Variants in TAFA2 observed in about 807,000 individuals in gnomAD.
The protein encoded by TAFA2 is chemokine-like protein TAFA-2.
TAFA2 carries 7 observed loss-of-function variants against 18.8 expected under a neutral mutation model. The ratio of observed to expected loss-of-function variants is 0.37; its 90% CI spans 0.21 to 0.70. TAFA2 has a LOEUF of 0.70. Ranked by LOEUF, TAFA2 falls within the 30% of genes least tolerant of loss-of-function variation. TAFA2 has a pLI of 0.53. For synonymous variants in TAFA2, 60 were observed against 54.2 expected (o/e 1.11, Z -0.47); for missense variants, 122 against 158.1 (o/e 0.77, Z 1.23).
At chr12:61,721,159 T>C (rs1446624661) in intron 4 of TAFA2, among the ~76,000 whole-genome samples, 1 of 151,922 alleles carries the variant, frequency 6.6e-6, no homozygotes, top group Non-Finnish European at 1.5e-5. Context: ...GGGACTAAAA[T>C]AAACAGTTTT....
At chr12:62,067,685 T>C (rs1231037406) in intron 1 of TAFA2, among the ~76,000 whole-genome samples, 1 of 152,088 alleles carries the variant, frequency 6.6e-6, no homozygotes, top group East Asian at 1.9e-4. Flanking sequence ...TCTGTTTTTA[T>C]GGCAGTACCA....
chr12:61,856,593 G>T (rs1463712201), intron 2 of TAFA2, among the ~76,000 whole-genome samples: 1 of 151,968 alleles, frequency 6.6e-6, no homozygotes, highest in Non-Finnish European at 1.5e-5. Context: ...ATTTTAACAT[G>T]TATAAATGTT....
chr12:62,201,425 T>TA (rs1441949289), intron 1 of TAFA2, among the ~76,000 whole-genome samples: 3 of 152,194 alleles, frequency 2.0e-5, no homozygotes, highest in Non-Finnish European at 4.4e-5. Context: ...ATACCTAGTA[T>TA]ATTGAGAGTT....
At chr12:62,117,569 T>C (rs1468359851) in intron 1 of TAFA2, among the ~76,000 whole-genome samples, 1 of 152,186 alleles carries the variant, frequency 6.6e-6, no homozygotes, top group Non-Finnish European at 1.5e-5. Flanking sequence ...GTTCCAAGTA[T>C]CTTATCTGTA....
intron 1 of TAFA2, among the ~76,000 whole-genome samples, chr12:62,013,221 TA>T (rs1194502168): frequency 6.6e-6 from 1 of 152,236 alleles, no homozygotes; most frequent in Non-Finnish European, 1.5e-5. Flanking sequence ...TTCAGTGAGA[TA>T]AATTTAAGCT....
At chr12:62,186,867 T>C (rs1415763293) in intron 1 of TAFA2, among the ~76,000 whole-genome samples, 1 of 152,162 alleles carries the variant, frequency 6.6e-6, no homozygotes, top group Admixed American at 6.5e-5. Flanking sequence ...AACCTTATGT[T>C]TTCCAATGGC....
intron 1 of TAFA2, among the ~76,000 whole-genome samples, chr12:61,988,207 T>C (rs192459867): frequency 1.3e-4 from 20 of 152,244 alleles, no homozygotes; most frequent in Admixed American, 9.8e-4. Context: ...GGGGAAATTA[T>C]TGCCTTGTCG....
intron 1 of TAFA2, among the ~76,000 whole-genome samples, chr12:61,894,776 A>G (rs1220161852): frequency 6.6e-6 from 1 of 152,166 alleles, no homozygotes; most frequent in African/African-American, 2.4e-5. Flanking sequence ...ACAATCTTAA[A>G]TTCTTTTGAA....
At chr12:61,760,645 G>T (rs141355313) in intron 2 of TAFA2, among the ~76,000 whole-genome samples, 1 of 151,692 alleles carries the variant, frequency 6.6e-6, no homozygotes, top group East Asian at 2.0e-4. Flanking sequence ...TTCTTTAAAA[G>T]GTTAATGAGA....
At chr12:61,970,699 A>T (rs112207571) in intron 1 of TAFA2, among the ~76,000 whole-genome samples, 16 of 151,740 alleles carry the variant, frequency 1.1e-4, no homozygotes, top group African/African-American at 3.9e-4. Context: ...CATGCATTAA[A>T]GACCAAGAAA....
rs76676188 is a variant in TAFA2, at chr12:61,949,396, C to T, written c.-1-81970G>A. The stretch of plus-strand genomic sequence containing the variant: ...TCAGACAGGAGTCACACCATCAACT[C>T]TCCCAGGTCTCCAGCCTGTCAACTG... On this transcript the variant is annotated intron_variant, in intron 1 of 4. Coordinates refer to ENST00000416284, the MANE Select transcript of TAFA2 (RefSeq NM_178539.5). Among the ~76,000 whole-genome samples, 21 of 152,236 alleles carry T rather than the reference C, an allele frequency of 1.4e-4. No individual in the cohort carries two copies. In the East Asian group the frequency reaches 4.1e-3, roughly 29 times the overall value.
intron 1 of TAFA2, among the ~76,000 whole-genome samples, chr12:62,116,193 A>C (rs1038487337): frequency 3.3e-5 from 5 of 152,132 alleles, no homozygotes; most frequent in Admixed American, 3.3e-4. Context: ...AAGTACCTCA[A>C]ACAAGACAGA....
chr12:61,726,760 T>C (rs966261108), intron 4 of TAFA2, among the ~76,000 whole-genome samples: 1 of 151,512 alleles, frequency 6.6e-6, no homozygotes, highest in African/African-American at 2.4e-5. Flanking sequence ...GCTAGGACTA[T>C]GTTGAATAAA....
intron 4 of TAFA2, among the ~76,000 whole-genome samples, chr12:61,712,557 A>G (rs1398246685): frequency 6.6e-6 from 1 of 152,122 alleles, no homozygotes; most frequent in Non-Finnish European, 1.5e-5. Flanking sequence ...AACATCATAA[A>G]CATCCATTTT....
At chr12:61,981,484 C>T (rs1321302001) in intron 1 of TAFA2, among the ~76,000 whole-genome samples, 1 of 152,142 alleles carries the variant, frequency 6.6e-6, no homozygotes, top group Non-Finnish European at 1.5e-5. Context: ...TAAAGAGCTT[C>T]TGCATGGCAA....
At chr12:62,059,166 T>TGTGTGC (rs1882278396) in intron 1 of TAFA2, among the ~76,000 whole-genome samples, 1 of 151,172 alleles carries the variant, frequency 6.6e-6, no homozygotes, top group Admixed American at 6.6e-5. Flanking sequence ...TGTGTGTGTG[T>TGTGTGC]GTGTATCTGA....
intron 2 of TAFA2, among the ~76,000 whole-genome samples, chr12:61,826,825 G>A (rs1872551495): frequency 6.6e-6 from 1 of 151,240 alleles, no homozygotes; most frequent in South Asian, 2.1e-4. Flanking sequence ...CTTTTTTCTT[G>A]GGTTTTATGA....
chr12:61,955,615 AAAAAAAAAAAAAAAAAAAT>A (rs1345469319), intron 1 of TAFA2, among the ~76,000 whole-genome samples: 387 of 29,900 alleles, frequency 0.013, 1 homozygote, highest in African/African-American at 0.029. Context: ...AAAAAAAAAA[AAAAAAAAAAAAAAAAAAAT>A]ATATATATAT....
chr12:61,777,262 T>A (rs61942566), intron 2 of TAFA2, among the ~76,000 whole-genome samples: 42,857 of 151,736 alleles, frequency 0.28, 6,761 homozygotes, highest in South Asian at 0.4. Flanking sequence ...AGCAAGGTAC[T>A]TACATGTAAG....
Sources: allele counts gnomAD v4.1 joint callset (sites outside exome capture counted in the v4.1 genomes callset), GRCh38; gene constraint gnomAD v4.1.1; transcripts MANE v1.5; gene names NCBI Gene and HGNC (gene_info 2026-07-23, HGNC 2026-07-21).